DENND5B: variants seen among roughly 807,000 people sequenced by gnomAD.
The protein encoded by DENND5B is DENN domain-containing protein 5B.
Under a neutral mutation model 140.6 loss-of-function variants are expected in DENND5B, and 34 were observed. The observed-to-expected ratio is 0.24, with a 90% CI of 0.18 to 0.32. DENND5B has a LOEUF of 0.32. Ranked by LOEUF, DENND5B falls within the 10% of genes least tolerant of loss-of-function variation. The pLI, the probability that DENND5B is intolerant of heterozygous loss-of-function variation, is 1.00. For synonymous variants in DENND5B, 551 were observed against 562.1 expected, an observed-to-expected ratio of 0.98 and a Z score of 0.28; for missense variants, 1,142 against 1,560.2, an observed-to-expected ratio of 0.73 and a Z score of 4.52.
chr12:31,446,935 G>C (rs1402762028), intron 6 of DENND5B, among the ~76,000 whole-genome samples: 1 of 150,452 alleles, frequency 6.6e-6, no homozygotes, highest in Non-Finnish European at 1.5e-5. Context: ...TAAGTAGCAA[G>C]ACAGAAATTA....
At chr12:31,571,760 C>T (rs972492403) in intron 1 of DENND5B, among the ~76,000 whole-genome samples, 36 of 152,244 alleles carry the variant, frequency 2.4e-4, no homozygotes, top group African/African-American at 8.2e-4. Context: ...TGGGGAGCCA[C>T]CACGCCCGGC....
intron 13 of DENND5B, 46 bp from the exon 14 acceptor site, chr12:31,409,430 A>T (rs1353844162): frequency 1.4e-6 from 2 of 1,390,278 alleles, no homozygotes; most frequent in African/African-American, 1.5e-5. Flanking sequence ...TCAAAGAAAA[A>T]AAAAAAAAAC....
At chr12:31,426,517 T>A in intron 8 of DENND5B, 93 bp from the exon 9 acceptor site, 1 of 1,411,998 alleles carries the variant, frequency 7.1e-7, no homozygotes, top group Non-Finnish European at 9.4e-7. Context: ...ACAAATGAAA[T>A]GCAAAAAAGT....
chr12:31,445,752 A>G (rs1232558504), intron 6 of DENND5B, among the ~76,000 whole-genome samples: 1 of 151,590 alleles, frequency 6.6e-6, no homozygotes, highest in Non-Finnish European at 1.5e-5. Flanking sequence ...GCACTTTAGG[A>G]AACTGAAGCA....
intron 3 of DENND5B, among the ~76,000 whole-genome samples, chr12:31,475,191 C>CT (rs1945740908): frequency 6.6e-6 from 1 of 152,040 alleles, no homozygotes; most frequent in Non-Finnish European, 1.5e-5. Context: ...ATATACAATG[C>CT]CTTTTTGTAG....
At chr12:31,400,619 T>C (rs187327267) in intron 15 of DENND5B, among the ~76,000 whole-genome samples, 3 of 152,262 alleles carry the variant, frequency 2.0e-5, no homozygotes, top group East Asian at 3.9e-4. Context: ...TATGGATTAA[T>C]TGAGATATTT....
chr12:31,453,544 G>T (rs1279468392), intron 4 of DENND5B, among the ~76,000 whole-genome samples: 1 of 152,146 alleles, frequency 6.6e-6, no homozygotes, highest in Non-Finnish European at 1.5e-5. Flanking sequence ...AGATTGGGGG[G>T]TGGAGTGCCA....
intron 8 of DENND5B, among the ~76,000 whole-genome samples, chr12:31,430,150 GTA>G (rs1414909081): frequency 6.6e-6 from 1 of 151,248 alleles, no homozygotes; most frequent in Non-Finnish European, 1.5e-5. Context: ...AGCCTCCTGA[GTA>G]GCTGGGATTA....
intron 1 of DENND5B, among the ~76,000 whole-genome samples, chr12:31,523,220 G>A (rs896770125): frequency 6.6e-6 from 1 of 152,032 alleles, no homozygotes; most frequent in Non-Finnish European, 1.5e-5. Flanking sequence ...CACCACACCT[G>A]CCTGGCTAAT....
intron 1 of DENND5B, 158 bp downstream of exon 1, chr12:31,590,548 C>A: frequency 2.2e-6 from 2 of 903,624 alleles, no homozygotes; most frequent in Non-Finnish European, 3.0e-6. Flanking sequence ...ATAACAATGT[C>A]ATTAAATCGC....
chr12:31,500,076 T>C (rs1435735940), intron 1 of DENND5B, among the ~76,000 whole-genome samples: 1 of 152,226 alleles, frequency 6.6e-6, no homozygotes, highest in Non-Finnish European at 1.5e-5. Flanking sequence ...CTGTTTCAGA[T>C]TTTGAAATAT....
At chr12:31,572,068 T>C (rs1592073791) in intron 1 of DENND5B, among the ~76,000 whole-genome samples, 1 of 151,962 alleles carries the variant, frequency 6.6e-6, no homozygotes, top group African/African-American at 2.4e-5. Flanking sequence ...CAACTAAAAA[T>C]ACAAAATTAG....
intron 1 of DENND5B, among the ~76,000 whole-genome samples, chr12:31,525,867 C>T (rs1288535844): frequency 6.6e-6 from 1 of 152,070 alleles, no homozygotes; most frequent in Non-Finnish European, 1.5e-5. Context: ...GTAGCAAGTG[C>T]CTGTGGTCCC....
chr12:31,417,356 CAAAAAAA>C lies in DENND5B; in HGVS notation c.2471-1915_2471-1909del, dbSNP rs767142927. 3.2e-4 allele frequency among the ~76,000 whole-genome samples: 13 copies of C among 40,124 alleles called. 1 individual carries two copies. The South Asian group carries it at 9.4e-3, about 29-fold the overall frequency. 26.3% of individuals were successfully genotyped at this position (40,124 alleles called of 152,430 possible). On this transcript the variant is annotated intron_variant, in intron 11 of 20. Coordinates refer to ENST00000389082, the MANE Select transcript of DENND5B (RefSeq NM_144973.4). ...TGGGTGACAGAGCAAGACTCTGTCT[CAAAAAAA>C]AAAAAAAAAAAAAAAAAATCTAAGA... is the stretch of plus-strand genomic sequence containing the variant.
intron 11 of DENND5B, among the ~76,000 whole-genome samples, chr12:31,416,386 C>G (rs981566785): frequency 5.3e-5 from 8 of 151,990 alleles, no homozygotes; most frequent in Admixed American, 5.3e-4. Flanking sequence ...GCCTCAGCCT[C>G]CCGAGTAGCT....
At chr12:31,563,443 G>A (rs1217383551) in intron 1 of DENND5B, among the ~76,000 whole-genome samples, 1 of 152,186 alleles carries the variant, frequency 6.6e-6, no homozygotes, top group Non-Finnish European at 1.5e-5. Context: ...CCATTCCTGT[G>A]TAAAGCAGAG....
intron 1 of DENND5B, among the ~76,000 whole-genome samples, chr12:31,574,769 C>CG (rs1949955016): frequency 6.6e-6 from 1 of 152,160 alleles, no homozygotes; most frequent in Non-Finnish European, 1.5e-5. Context: ...TCACTGTAAA[C>CG]GGGTCCTGTC....
intron 1 of DENND5B, among the ~76,000 whole-genome samples, chr12:31,525,675 A>G (rs966362487): frequency 6.6e-6 from 1 of 151,720 alleles, no homozygotes; most frequent in Non-Finnish European, 1.5e-5. Context: ...TACGTTAATA[A>G]TATCTCAATA....
intron 1 of DENND5B, among the ~76,000 whole-genome samples, chr12:31,554,017 A>G (rs1367908939): frequency 6.6e-6 from 1 of 152,102 alleles, no homozygotes; most frequent in Non-Finnish European, 1.5e-5. Context: ...CTCTTTATCC[A>G]ATTTGCCAGT....
Sources: gnomAD v4.1 joint callset for allele counts (sites outside exome capture counted in the v4.1 genomes callset) on GRCh38, gnomAD v4.1.1 for gene constraint, MANE v1.5 for transcripts, NCBI Gene and HGNC (gene_info 2026-07-23, HGNC 2026-07-21) for gene names.